The following LMNTD1 variants were observed in gnomAD, a reference collection of about 807,000 sequenced individuals.
LMNTD1 encodes the protein lamin tail domain containing 1.
Under a neutral mutation model 50.9 loss-of-function variants are expected in LMNTD1, and 35 were observed. The observed-to-expected ratio is 0.69, with a 90% CI of 0.53 to 0.91. The LOEUF (loss-of-function observed/expected upper bound fraction) is 0.91, where lower values mean the gene tolerates loss of function less well. LMNTD1 is among the 40% of genes least tolerant of loss of function. LMNTD1 has a pLI of 0.00. For missense variants in LMNTD1, 470 were observed against 475.5 expected (o/e 0.99, Z 0.11); for synonymous variants, 153 against 161.9 (o/e 0.94, Z 0.42).
Position 25,549,408 on chromosome 12 carries a change from A to C in LMNTD1, c.228T>G (p.Ile76Met), listed in dbSNP as rs750414068. ...CAGTTGTTGATATAGTTACTCTACT[A>C]ATCTGAGGACTAGACAGATAGTAAC... The part of the protein sequence containing the change: ...PLGYYLSSPQ[I>M]SRVTISTTGQ... Residue 76 changes from isoleucine (I) to methionine (M), a missense_variant, in exon 3 of 10, where the codon ATT becomes ATG. By Grantham distance (10) the Ile-to-Met change is conservative. Transcript: ENST00000458174. 10 of 1,613,144 alleles carry C rather than the reference A, an allele frequency of 6.2e-6. 1 individual carries two copies. The highest frequency in any genetic ancestry group is 3.3e-5 in the South Asian group (3 of 91,036).
rs1234622781 is a variant in LMNTD1 at position 25,541,216 on chromosome 12, G to GA, written c.491+5157dup. ...ACCAATGCCTTTCTTCACAGAATTG[G>GA]AAAAAACTACTTTAAAGTTCATATG... On this transcript the variant is annotated intron_variant, in intron 4 of 9. Coordinates refer to ENST00000458174, the MANE Select transcript of LMNTD1 (RefSeq NM_001145728.2). Among the ~76,000 whole-genome samples the GA allele has an allele frequency of 2.5e-5, 2 of 79,330 alleles. 1 individual carries two copies. Among genetic ancestry groups the GA allele is most frequent in the Non-Finnish European group, 6.4e-5 (2 of 31,174 alleles). The allele number at this position is 79,330 out of a possible 152,430, so 52.0% of individuals were successfully genotyped here. A position where few individuals can be genotyped will look rare whatever the true frequency, so the allele number is the denominator to read the frequency against.
At chr12:25,633,626 A>G (rs1946765269) in intron 1 of LMNTD1, among the ~76,000 whole-genome samples, 1 of 152,150 alleles carries the variant, frequency 6.6e-6, no homozygotes, top group Non-Finnish European at 1.5e-5. Flanking sequence ...TATTTGAGCT[A>G]AACAACAATA....
chr12:25,545,929 CTT>C (rs1943400536), intron 4 of LMNTD1, among the ~76,000 whole-genome samples: 1 of 151,520 alleles, frequency 6.6e-6, no homozygotes, highest in South Asian at 2.1e-4. Context: ...TTATTTTAGT[CTT>C]AATATCAACT....
chr12:25,592,728 G>C lies in LMNTD1; in HGVS notation c.59-46174C>G, dbSNP rs1452719808. 4 of 152,380 alleles carry C rather than the reference G, an allele frequency of 2.6e-5. No homozygotes were observed. The South Asian group carries it at 8.3e-4, about 32-fold the overall frequency. 9.4% of individuals were successfully genotyped at this position (152,380 alleles called of 1,614,324 possible). On this transcript the variant is annotated intron_variant, in intron 1 of 7. Transcript: ENST00000445693. The stretch of plus-strand genomic sequence containing the variant: ...AGAAGTCTCCTGGCCAGGACTTGGA[G>C]AAAGATATGAATTCAGTGTGCAGAC...
intron 1 of LMNTD1, among the ~76,000 whole-genome samples, chr12:25,645,065 C>A (rs78429358): frequency 0.011 from 1,673 of 152,246 alleles, 16 homozygotes; most frequent in African/African-American, 0.039. Flanking sequence ...TAGTAGGACT[C>A]TTTCGCAGTA....
intron 1 of LMNTD1, among the ~76,000 whole-genome samples, chr12:25,591,431 G>C (rs924524187): frequency 6.6e-6 from 1 of 151,906 alleles, no homozygotes; most frequent in African/African-American, 2.4e-5. Flanking sequence ...CTTTGGAAAG[G>C]GGATGGAAGA....
At chr12:25,571,763 G>A (rs1944808806) in intron 1 of LMNTD1, among the ~76,000 whole-genome samples, 2 of 152,084 alleles carry the variant, frequency 1.3e-5, no homozygotes, top group South Asian at 2.1e-4. Context: ...TCTGCCTCCC[G>A]GGTTCAAGCA....
At chr12:25,548,376 C>T (rs756269793) in intron 3 of LMNTD1, among the ~76,000 whole-genome samples, 9 of 151,800 alleles carry the variant, frequency 5.9e-5, no homozygotes, top group Non-Finnish European at 1.3e-4. Context: ...ATTTGTGCTA[C>T]CAGTTTTGAA....
At chr12:25,510,911 T>C (rs1940223040) in intron 8 of LMNTD1, among the ~76,000 whole-genome samples, 1 of 152,156 alleles carries the variant, frequency 6.6e-6, no homozygotes, top group Non-Finnish European at 1.5e-5. Flanking sequence ...AAAAGAGAAT[T>C]TACAATACAG....
chr12:25,644,313 C>CAAAAAAAAAA (rs59091210), intron 1 of LMNTD1, among the ~76,000 whole-genome samples: 1 of 82,088 alleles, frequency 1.2e-5, no homozygotes, highest in Admixed American at 1.7e-4. Context: ...CCTTTCTCTA[C>CAAAAAAAAAA]AAAAAAAAAA....
At chr12:25,484,649 C>T (rs1265246051) in intron 9 of LMNTD1, among the ~76,000 whole-genome samples, 2 of 109,722 alleles carry the variant, frequency 1.8e-5, no homozygotes, top group Admixed American at 1.1e-4. Flanking sequence ...TGCTATCCCT[C>T]CCCCCTCCCC....
intron 1 of LMNTD1, among the ~76,000 whole-genome samples, chr12:25,644,700 A>AAAGCC (rs2136634380): frequency 6.6e-6 from 1 of 152,300 alleles, no homozygotes; most frequent in African/African-American, 2.4e-5. Flanking sequence ...CCATGTGGAG[A>AAAGCC]AAGCCATAGA....
intron 1 of LMNTD1, among the ~76,000 whole-genome samples, chr12:25,568,015 T>C (rs1490670758): frequency 2.0e-5 from 3 of 152,014 alleles, no homozygotes; most frequent in East Asian, 3.9e-4. Context: ...GCTCAGAAGA[T>C]AGAAAGATTA....
intron 9 of LMNTD1, among the ~76,000 whole-genome samples, chr12:25,488,679 A>G (rs1459294703): frequency 5.3e-5 from 8 of 152,118 alleles, no homozygotes; most frequent in Non-Finnish European, 2.9e-5. Context: ...CTGGTGAGGA[A>G]CTGCGTTCCT....
Position 25,486,626 on chromosome 12 carries a change from A to G in LMNTD1, c.*23-10166T>C, listed in dbSNP as rs866255366. Among the ~76,000 whole-genome samples the G allele has an allele frequency of 4.2e-3, 625 of 149,586 alleles. 6 individuals are homozygous for G. Among genetic ancestry groups the G allele is most frequent in the African/African-American group, 0.014 (575 of 40,620 alleles). ...TTCCAGTTTTTGCCCATTCAGTATG[A>G]TATTGGCTGTGGGTTTGTCATAGAT... On this transcript the variant is annotated intron_variant, in intron 9 of 9. Transcript: ENST00000458174.
In LMNTD1 at chr12:25,507,339, A is replaced by G. The variant is rs369782806; in HGVS notation, c.1190-3539T>C. On this transcript the variant is annotated intron_variant, in intron 8 of 9. Transcript: ENST00000458174. Reference sequence around the variant, plus strand: ...ATTCTGTATTCAAATTCACCTAATTATCTTAAAAAATGTCTGTTCTGGCTG... The same window carrying G: ...ATTCTGTATTCAAATTCACCTAATTGTCTTAAAAAATGTCTGTTCTGGCTG... Among the ~76,000 whole-genome samples, 25 of 152,372 alleles carry G rather than the reference A, an allele frequency of 1.6e-4. No homozygotes were observed. In the East Asian group the frequency reaches 4.2e-3, roughly 26 times the overall value.
At chr12:25,528,217 G>T (rs1941952218) in intron 4 of LMNTD1, among the ~76,000 whole-genome samples, 1 of 152,128 alleles carries the variant, frequency 6.6e-6, no homozygotes, top group Admixed American at 6.5e-5. Context: ...GAGGAACACT[G>T]TATTATCTCA....
intron 1 of LMNTD1, among the ~76,000 whole-genome samples, chr12:25,604,876 C>A (rs970131902): frequency 2.6e-5 from 4 of 152,142 alleles, no homozygotes; most frequent in Non-Finnish European, 5.9e-5. Context: ...AATGGGATGA[C>A]TGGGTCAAAT....
At chr12:25,632,822 A>G (rs965615259) in intron 1 of LMNTD1, among the ~76,000 whole-genome samples, 1 of 152,216 alleles carries the variant, frequency 6.6e-6, no homozygotes, top group Non-Finnish European at 1.5e-5. Context: ...TCATATTTCA[A>G]TACTAACATT....
Sources: allele counts gnomAD v4.1 joint callset (sites outside exome capture counted in the v4.1 genomes callset), GRCh38; gene constraint gnomAD v4.1.1; transcripts MANE v1.5; gene names NCBI Gene and HGNC (gene_info 2026-07-23, HGNC 2026-07-21).